SLC45A3: variants seen among roughly 807,000 people sequenced by gnomAD.
SLC45A3 encodes the protein solute carrier family 45 member 3.
In SLC45A3, 17 loss-of-function variants were observed where a neutral mutation model predicts 35.3. The ratio of observed to expected loss-of-function variants is 0.48; its 90% confidence interval spans 0.33 to 0.72. The LOEUF (loss-of-function observed/expected upper bound fraction) is 0.72, where lower values mean the gene tolerates loss of function less well. Among genes scored for constraint, SLC45A3 ranks in the 30% least tolerant of loss-of-function variants. The pLI is 0.02. For missense variants in SLC45A3, 597 were observed against 731.7 expected (o/e 0.82, Z 2.12); for synonymous variants, 288 against 334.3 (o/e 0.86, Z 1.51).
chr1:205,679,454 C>T (rs1218087845), intron 1 of SLC45A3, among the ~76,000 whole-genome samples: 1 of 152,090 alleles, frequency 6.6e-6, no homozygotes, highest in Non-Finnish European at 1.5e-5. Flanking sequence ...TACAGGAAGG[C>T]CTGACCCGCA....
At chr1:205,660,030 C>A (rs1356373798) in intron 4 of SLC45A3, among the ~76,000 whole-genome samples, 1 of 152,148 alleles carries the variant, frequency 6.6e-6, no homozygotes, top group Non-Finnish European at 1.5e-5. Context: ...GTAAGAGATG[C>A]ACAGAACAGA....
intron 1 of SLC45A3, among the ~76,000 whole-genome samples, chr1:205,667,688 G>C (rs1361127458): frequency 6.6e-6 from 1 of 152,056 alleles, no homozygotes; most frequent in Non-Finnish European, 1.5e-5. Flanking sequence ...AACAGAGTGA[G>C]ACCTGGTCTC....
rs1480387944 is a variant in SLC45A3, at chr1:205,659,434, T to TGCCCCGGCCCGGAACC, written c.1446_1461dup (p.Ile488GlyfsTer15). 6.2e-7 allele frequency: 1 copy of TGCCCCGGCCCGGAACC among 1,614,108 alleles called. No individual in the cohort carries two copies. Among genetic ancestry groups the TGCCCCGGCCCGGAACC allele is most frequent in the East Asian group, 2.2e-5 (1 of 44,870 alleles). ...TCCAGGATGGCGAGGTCCAGGCAGA[T>TGCCCCGGCCCGGAACC]GCCCCGGCCCGGAACCACCCTGGCC... is the stretch of plus-strand genomic sequence containing the variant. On this transcript the variant is annotated frameshift_variant, in exon 5 of 5. Coordinates refer to ENST00000367145, the MANE Select transcript of SLC45A3 (RefSeq NM_033102.3). LOFTEE classifies it high-confidence loss of function. The surrounding 1 kb of genome is among the most constrained non-coding windows in gnomAD (Gnocchi z 5.8).
At chr1:205,670,080 C>T (rs1671184804) in intron 1 of SLC45A3, among the ~76,000 whole-genome samples, 1 of 151,854 alleles carries the variant, frequency 6.6e-6, no homozygotes, top group Non-Finnish European at 1.5e-5. Flanking sequence ...CTAATGAAAC[C>T]TGGCACACTG....
chr1:205,663,447 G>A lies in SLC45A3; in HGVS notation c.344C>T (p.Pro115Leu), dbSNP rs762283059. The change falls in exon 3 of 5, where the codon CCG becomes CTG. Residue 115 changes from proline to leucine, a missense_variant. Physicochemically the swap from Pro to Leu is moderately conservative, Grantham distance 98. Transcript: ENST00000367145. Reference protein sequence around the residue: ...RAGWLAGLLCPDPRPLELALL... With the variant: ...RAGWLAGLLCLDPRPLELALL... ...TGCCAGCTCCAGGGGCCTGGGATCC[G>A]GGCACAGCAGCCCTGCTAGCCAGCC... 79 of 1,612,522 alleles carry A rather than the reference G, an allele frequency of 4.9e-5. No individual in the cohort carries two copies. In the South Asian group the frequency reaches 5.2e-4, roughly 11 times the overall value.
intron 2 of SLC45A3, 137 bp from the exon 3 acceptor site, chr1:205,663,755 A>C (rs958515472): frequency 5.5e-6 from 5 of 905,532 alleles, no homozygotes; most frequent in East Asian, 5.3e-5. Context: ...GGATGCTGTA[A>C]TTTACTCCTC....
chr1:205,659,069 GCTGTGCAGCTACGCAC>G lies in SLC45A3; in HGVS notation c.*149_*164del. On this transcript the variant is annotated 3_prime_UTR_variant, in exon 5 of 5. Transcript: ENST00000367145. This position sits in a 1 kb window ranked among gnomAD's most constrained non-coding sequence, Gnocchi z 5.8. ...GAGGAGAGGGACGCCCCAGCCCCCA[GCTGTGCAGCTACGCAC>G]CTCAGCAGCACAGGGTGGCAGCAGA... 1 of 701,264 alleles carries G rather than the reference GCTGTGCAGCTACGCAC, an allele frequency of 1.4e-6. No individual in the cohort carries two copies. 43.4% of individuals were successfully genotyped at this position (701,264 alleles called of 1,614,324 possible).
At chr1:205,667,272 A>C (rs1671134676) in intron 1 of SLC45A3, among the ~76,000 whole-genome samples, 1 of 152,156 alleles carries the variant, frequency 6.6e-6, no homozygotes, top group Admixed American at 6.5e-5. Context: ...TTGGGAGGCC[A>C]AAGCAGGCAA....
chr1:205,665,962 A>G (rs1030690099), intron 1 of SLC45A3, among the ~76,000 whole-genome samples: 1 of 152,140 alleles, frequency 6.6e-6, no homozygotes, highest in Non-Finnish European at 1.5e-5. Context: ...CAGGCGGATC[A>G]CTTGAGGTCA....
intron 1 of SLC45A3, among the ~76,000 whole-genome samples, chr1:205,670,594 C>A (rs1671194746): frequency 6.6e-6 from 1 of 152,200 alleles, no homozygotes; most frequent in Non-Finnish European, 1.5e-5. Flanking sequence ...GGCCTGGAGG[C>A]CAGGGATTTA....
chr1:205,676,642 T>A (rs1464825807), intron 1 of SLC45A3, among the ~76,000 whole-genome samples: 1 of 152,100 alleles, frequency 6.6e-6, no homozygotes, highest in Non-Finnish European at 1.5e-5. Context: ...ATTCCACAAG[T>A]CAGTCAGGGC....
intron 1 of SLC45A3, among the ~76,000 whole-genome samples, chr1:205,678,143 C>G (rs954726675): frequency 1.3e-5 from 2 of 152,028 alleles, no homozygotes; most frequent in Non-Finnish European, 2.9e-5. Flanking sequence ...ATGGTAAAAC[C>G]CTGTATCTAC....
At chr1:205,660,751 G>A (rs1400294059) in intron 4 of SLC45A3, among the ~76,000 whole-genome samples, 1 of 152,104 alleles carries the variant, frequency 6.6e-6, no homozygotes, top group Non-Finnish European at 1.5e-5. Flanking sequence ...TGGCACGACA[G>A]CACATACTCA....
Position 205,662,526 on chromosome 1 carries a change from G to A in SLC45A3, c.958+307C>T. The A allele has an allele frequency of 1.5e-6, 2 of 1,292,766 alleles. No individual in the cohort carries two copies. The highest frequency in any genetic ancestry group is 2.0e-6 in the Non-Finnish European group (2 of 1,021,756). The allele number at this position is 1,292,766 out of a possible 1,614,324, so 80.1% of individuals were successfully genotyped here. A position where few individuals can be genotyped will look rare whatever the true frequency, so the allele number is the denominator to read the frequency against. The stretch of plus-strand genomic sequence containing the variant: ...AGAGGGCACACTGCGGCTGGAACCA[G>A]GCAGATCTGAAATCCAGCCTTAACT... On this transcript the variant is annotated intron_variant, in intron 3 of 4. Transcript: ENST00000367145. The surrounding 1 kb of genome is among the most constrained non-coding windows in gnomAD (Gnocchi z 6.2).
intron 1 of SLC45A3, among the ~76,000 whole-genome samples, chr1:205,677,434 T>A (rs1253113286): frequency 1.3e-5 from 2 of 152,266 alleles, no homozygotes; most frequent in African/African-American, 4.8e-5. Flanking sequence ...AAGCTCTTTT[T>A]ACAAGCAGCT....
chr1:205,659,362 A>T lies in SLC45A3; in HGVS notation c.1534T>A (p.Ser512Thr). 6.2e-7 allele frequency: 1 copy of T among 1,614,200 alleles called. No homozygotes were observed. The highest frequency in any genetic ancestry group is 8.5e-7 in the Non-Finnish European group (1 of 1,180,036). The change falls in exon 5 of 5, where the codon TCC (serine) becomes ACC (threonine). Residue 512 changes from serine (S) to threonine (T), a missense_variant. Around this residue, in one of 3 missense-constraint regions of SLC45A3, gnomAD observed 555 missense variants for 664.9 expected, o/e 0.83. Coordinates refer to ENST00000367145, the MANE Select transcript of SLC45A3 (RefSeq NM_033102.3). This position sits in a 1 kb window ranked among gnomAD's most constrained non-coding sequence, Gnocchi z 5.8. ...ACAGACTGGCTGAGCTGGACAATGG[A>T]GCCCATAAACAGGGATGGGGCCACC... is the stretch of plus-strand genomic sequence containing the variant. ...SQVAPSLFMG[S>T]IVQLSQSVTA...
intron 1 of SLC45A3, among the ~76,000 whole-genome samples, chr1:205,668,158 C>T (rs1383814456): frequency 6.6e-6 from 1 of 152,118 alleles, no homozygotes; most frequent in Admixed American, 6.5e-5. Flanking sequence ...TGAGAAGTTC[C>T]AAGCCCATAA....
At chr1:205,676,188 C>T (rs990098962) in intron 1 of SLC45A3, among the ~76,000 whole-genome samples, 10 of 152,130 alleles carry the variant, frequency 6.6e-5, no homozygotes, top group African/African-American at 2.4e-4. Context: ...CCAGGCACTC[C>T]TAGCTTGAAC....
At chr1:205,660,066 T>A (rs756200264) in intron 4 of SLC45A3, among the ~76,000 whole-genome samples, 6 of 152,144 alleles carry the variant, frequency 3.9e-5, no homozygotes, top group Non-Finnish European at 8.8e-5. Flanking sequence ...GCAGGGCCCC[T>A]GATGGCCCAA....
Sources: gnomAD v4.1 joint callset for allele counts (sites outside exome capture counted in the v4.1 genomes callset) on GRCh38, gnomAD v4.1.1 for gene constraint, gnomAD v4.1.1 regional missense constraint, Gnocchi (gnomAD v3.1) non-coding constraint, MANE v1.5 for transcripts, NCBI Gene and HGNC (gene_info 2026-07-23, HGNC 2026-07-21) for gene names.